The following YTHDC2 variants were observed in gnomAD, a reference collection of about 807,000 sequenced individuals.
The protein encoded by YTHDC2 is 3'-5' RNA helicase YTHDC2.
YTHDC2 carries 45 observed loss-of-function variants against 174.9 expected under a neutral mutation model. The observed-to-expected ratio is 0.26, with a 90% CI of 0.20 to 0.33. YTHDC2 has a LOEUF of 0.33. Among genes scored for constraint, YTHDC2 ranks in the 10% least tolerant of loss-of-function variants. The pLI is 1.00. For missense variants in YTHDC2, 1,650 were observed against 1,723.7 expected, an observed-to-expected ratio of 0.96 and a Z score of 0.76; for synonymous variants, 657 against 574.5, an observed-to-expected ratio of 1.14 and a Z score of -2.05.
intron 23 of YTHDC2, 87 bp downstream of exon 23, chr5:113,567,936 T>C: frequency 9.1e-7 from 1 of 1,096,242 alleles, no homozygotes; most frequent in Admixed American, 3.1e-5. Context: ...AACCAAATAA[T>C]GAAATTATAA....
At chr5:113,561,441 T>TTATCTATCTATC (rs535162186) in intron 18 of YTHDC2, among the ~76,000 whole-genome samples, 1 of 149,262 alleles carries the variant, frequency 6.7e-6, no homozygotes, top group African/African-American at 2.5e-5. Flanking sequence ...TATATATTTT[T>TTATCTATCTATC]TATCTATCTA....
intron 4 of YTHDC2, among the ~76,000 whole-genome samples, chr5:113,532,351 G>A (rs991621443): frequency 1.3e-5 from 2 of 152,112 alleles, no homozygotes; most frequent in Non-Finnish European, 2.9e-5. Flanking sequence ...GTGGCAGGGA[G>A]TAGGTAAGAT....
chr5:113,519,421 A>G (rs1385343667), intron 2 of YTHDC2, among the ~76,000 whole-genome samples: 2 of 152,184 alleles, frequency 1.3e-5, no homozygotes, highest in East Asian at 3.8e-4. Context: ...GCTTGTTTAT[A>G]ATGAAAACAA....
chr5:113,562,977 A>G (rs9326893), intron 18 of YTHDC2, among the ~76,000 whole-genome samples: 47,259 of 152,060 alleles, frequency 0.31, 9,531 homozygotes, highest in African/African-American at 0.56. Context: ...TTTTTCTCCA[A>G]TTTGCACAGG....
intron 23 of YTHDC2, among the ~76,000 whole-genome samples, chr5:113,568,413 T>C (rs191125777): frequency 2.7e-4 from 41 of 152,290 alleles, no homozygotes; most frequent in Non-Finnish European, 5.6e-4. Flanking sequence ...ATGTGCAGTT[T>C]TGTTGCATAG....
chr5:113,547,218 G>T (rs1775939095), intron 10 of YTHDC2, among the ~76,000 whole-genome samples: 1 of 152,128 alleles, frequency 6.6e-6, no homozygotes, highest in South Asian at 2.1e-4. Context: ...CCAAGGCCAT[G>T]AATTGAATAT....
chr5:113,586,959 AATAT>A (rs1178758929), intron 26 of YTHDC2, among the ~76,000 whole-genome samples: 1 of 65,384 alleles, frequency 1.5e-5, no homozygotes, highest in Non-Finnish European at 2.6e-5. Context: ...ATAATATATA[AATAT>A]ATATTATGTA....
chr5:113,526,400 A>G (rs1774240653), intron 3 of YTHDC2, among the ~76,000 whole-genome samples, 186 bp from the exon 4 acceptor site: 1 of 152,136 alleles, frequency 6.6e-6, no homozygotes, highest in South Asian at 2.1e-4. Context: ...GTGTAAGAGT[A>G]CAATTGAGAT....
At position 113,517,129 on chromosome 5, in the gene YTHDC2, T is replaced by TA. The variant is rs1488428400; in HGVS notation, c.278+1768dup. ...ATGTTGTATAATCTACCTAATAAAATATGGCCATCACCTTTAGTCACATTT... is the reference window on the plus strand; with the variant it reads ...ATGTTGTATAATCTACCTAATAAAATAATGGCCATCACCTTTAGTCACATTT... On this transcript the variant is annotated intron_variant, in intron 2 of 29. Coordinates refer to ENST00000161863, the MANE Select transcript of YTHDC2 (RefSeq NM_022828.5). Among the ~76,000 whole-genome samples the TA allele has an allele frequency of 2.0e-5, 3 of 152,220 alleles. No individual in the cohort carries two copies. In the East Asian group the frequency reaches 5.8e-4, roughly 29 times the overall value.
intron 4 of YTHDC2, among the ~76,000 whole-genome samples, chr5:113,529,336 A>G (rs1468436206): frequency 6.6e-6 from 1 of 152,170 alleles, no homozygotes; most frequent in African/African-American, 2.4e-5. Context: ...TATTGTACTT[A>G]CTTGTATCCT....
intron 10 of YTHDC2, among the ~76,000 whole-genome samples, chr5:113,547,150 A>T (rs1467977943): frequency 1.3e-5 from 2 of 152,180 alleles, no homozygotes; most frequent in South Asian, 2.1e-4. Flanking sequence ...AATGTTTTAA[A>T]TGTTTCACAT....
In YTHDC2 at chr5:113,540,958, A is replaced by G; in HGVS notation, c.1211-10A>G. On this transcript the variant is annotated splice_polypyrimidine_tract_variant and intron_variant, in intron 8 of 29. Coordinates refer to ENST00000161863, the MANE Select transcript of YTHDC2 (RefSeq NM_022828.5). The stretch of plus-strand genomic sequence containing the variant: ...TTGTCTACATATTCTTTCTTTGATA[A>G]TTAATTTAGAAGAGAAACAACAAAC... The G allele has an allele frequency of 1.2e-6, 2 of 1,605,292 alleles. No individual in the cohort carries two copies. Among genetic ancestry groups the G allele is most frequent in the African/African-American group, 1.3e-5 (1 of 74,464 alleles).
Position 113,593,502 on chromosome 5 carries a change from C to A in YTHDC2, c.*28C>A. 1 of 813,900 alleles carries A rather than the reference C, an allele frequency of 1.2e-6. No individual in the cohort carries two copies. Among genetic ancestry groups the A allele is most frequent in the South Asian group, 1.9e-5 (1 of 51,944 alleles). The allele number at this position is 813,900 out of a possible 1,614,324, so 50.4% of individuals were successfully genotyped here. On this transcript the variant is annotated 3_prime_UTR_variant, in exon 30 of 30. Transcript: ENST00000161863. The stretch of plus-strand genomic sequence containing the variant: ...TCTAGAACTCTTAGCTGTGGAAGAA[C>A]ATCATGCCTATTTATAACCACTGAA...
At chr5:113,567,404 TTATATATA>T (rs368320106) in intron 22 of YTHDC2, 107 bp downstream of exon 22, 9 of 287,598 alleles carry the variant, frequency 3.1e-5, no homozygotes, top group East Asian at 1.4e-4. Flanking sequence ...AATTAATTAG[TTATATATA>T]TATATATATA....
intron 4 of YTHDC2, among the ~76,000 whole-genome samples, chr5:113,528,173 A>T (rs1394900027): frequency 6.6e-6 from 1 of 152,024 alleles, no homozygotes; most frequent in African/African-American, 2.4e-5. Context: ...CTTGCTAATG[A>T]TATCTATATA....
chr5:113,517,582 A>C (rs1239220406), intron 2 of YTHDC2: 1 of 456,316 alleles, frequency 2.2e-6, no homozygotes, highest in Admixed American at 2.3e-5. Flanking sequence ...AAAGAAGAAA[A>C]AGGAAAGAGA....
At chr5:113,548,830 A>C (rs938493327) in intron 11 of YTHDC2, 125 bp from the exon 12 acceptor site, 7 of 1,146,974 alleles carry the variant, frequency 6.1e-6, no homozygotes. Flanking sequence ...TTTTTTAACT[A>C]TAATTTATCT....
chr5:113,543,052 T>G (rs1775598259), intron 10 of YTHDC2, among the ~76,000 whole-genome samples: 1 of 152,228 alleles, frequency 6.6e-6, no homozygotes, highest in African/African-American at 2.4e-5. Context: ...TCTCAATCCT[T>G]AAGACCTTAA....
chr5:113,521,655 C>T (rs1159152578), intron 2 of YTHDC2, among the ~76,000 whole-genome samples: 1 of 150,982 alleles, frequency 6.6e-6, no homozygotes, highest in Non-Finnish European at 1.5e-5. Context: ...TGCTTGAACC[C>T]AGGAGGCGGA....
Sources: allele counts gnomAD v4.1 joint callset (sites outside exome capture counted in the v4.1 genomes callset), GRCh38; gene constraint gnomAD v4.1.1; transcripts MANE v1.5; gene names NCBI Gene and HGNC (gene_info 2026-07-23, HGNC 2026-07-21).